CC2D2B: variants seen among roughly 807,000 people sequenced by gnomAD.
The protein encoded by CC2D2B is coiled-coil and C2 domain containing 2B.
A neutral mutation model predicts 161.2 loss-of-function variants in CC2D2B; 128 were observed. The observed-to-expected ratio is 0.79, with a 90% CI of 0.69 to 0.92. CC2D2B has a LOEUF of 0.92. Among genes scored for constraint, CC2D2B ranks in the 40% least tolerant of loss-of-function variants. CC2D2B has a pLI of 0.00. For synonymous variants in CC2D2B, 391 were observed against 449.8 expected, an observed-to-expected ratio of 0.87 and a Z score of 1.65; for missense variants, 1,173 against 1,375.1, an observed-to-expected ratio of 0.85 and a Z score of 2.32.
At chr10:95,991,506 T>C (rs2077953984) in intron 21 of CC2D2B, 45 bp downstream of exon 21, 1 of 553,456 alleles carries the variant, frequency 1.8e-6, no homozygotes, top group Admixed American at 4.5e-5. Flanking sequence ...ACCTTTAAGA[T>C]AATATCTTTA....
chr10:96,029,276 A>C (rs867484680), intron 34 of CC2D2B, among the ~76,000 whole-genome samples: 2 of 54,698 alleles, frequency 3.7e-5, no homozygotes, highest in African/African-American at 6.9e-5. Flanking sequence ...ATATATATAT[A>C]TATATATATG....
At chr10:95,918,070 C>T (rs2098519958) in intron 2 of CC2D2B, among the ~76,000 whole-genome samples, 1 of 152,144 alleles carries the variant, frequency 6.6e-6, no homozygotes, top group South Asian at 2.1e-4. Context: ...AGCCACCGTG[C>T]CCAGCCTAAA....
At chr10:96,023,138 T>C (rs971368218) in intron 32 of CC2D2B, among the ~76,000 whole-genome samples, 1 of 152,222 alleles carries the variant, frequency 6.6e-6, no homozygotes, top group Non-Finnish European at 1.5e-5. Flanking sequence ...AGGGCTGCTG[T>C]GATCAAAATT....
chr10:95,942,404 A>G (rs970049487), intron 9 of CC2D2B, among the ~76,000 whole-genome samples: 1 of 152,004 alleles, frequency 6.6e-6, no homozygotes, highest in Non-Finnish European at 1.5e-5. Context: ...TTTCTCTCTG[A>G]ATTTTAGTTT....
chr10:96,004,465 A>G (rs1352412725), intron 25 of CC2D2B, among the ~76,000 whole-genome samples: 1 of 152,226 alleles, frequency 6.6e-6, no homozygotes, highest in African/African-American at 2.4e-5. Context: ...GAGGAGGAAT[A>G]AATATTATCA....
intron 24 of CC2D2B, among the ~76,000 whole-genome samples, chr10:95,996,477 ATATC>A (rs1298908340): frequency 6.6e-6 from 1 of 152,192 alleles, no homozygotes; most frequent in East Asian, 1.9e-4. Context: ...AATAAAATGA[ATATC>A]TATGTATTTA....
chr10:95,937,167 G>A (rs187689136), intron 6 of CC2D2B, among the ~76,000 whole-genome samples: 81 of 152,132 alleles, frequency 5.3e-4, no homozygotes, highest in African/African-American at 1.8e-3. Context: ...AGTATTGATC[G>A]AGGCCATGTA....
At position 95,911,412 on chromosome 10, in the gene CC2D2B, G is replaced by A. The variant is rs1453431162; in HGVS notation, c.36+53G>A. Reference sequence around the variant, plus strand: ...TTTGATTATTCCAAATAGCCCTGTTGTAAATGGGGGATAATCCTGATAAAT... The same window carrying A: ...TTTGATTATTCCAAATAGCCCTGTTATAAATGGGGGATAATCCTGATAAAT... On this transcript the variant is annotated intron_variant, in intron 2 of 34. Transcript: ENST00000646931. 4.5e-5 allele frequency: 10 copies of A among 222,846 alleles called. No individual in the cohort carries two copies. In the East Asian group the frequency reaches 6.1e-4, roughly 13 times the overall value. The allele number at this position is 222,846 out of a possible 1,614,324, so 13.8% of individuals were successfully genotyped here.
chr10:96,024,814 G>T (rs2079623037), intron 32 of CC2D2B, 39 bp from the exon 33 acceptor site: 1 of 1,193,456 alleles, frequency 8.4e-7, no homozygotes, highest in South Asian at 1.3e-5. Flanking sequence ...TGTAAACATG[G>T]TCTCTAGAAT....
intron 28 of CC2D2B, 47 bp from the exon 29 acceptor site, chr10:96,013,741 G>A: frequency 8.7e-7 from 1 of 1,143,356 alleles, no homozygotes; most frequent in Admixed American, 1.8e-5. Context: ...ATTGTGCTAA[G>A]TGATGGACAT....
At chr10:96,025,195 ATAT>A (rs1477338335) in intron 33 of CC2D2B, among the ~76,000 whole-genome samples, 1,606 of 27,724 alleles carry the variant, frequency 0.058, 87 homozygotes, top group Non-Finnish European at 0.11. Context: ...AAAAAAAAAT[ATAT>A]ATATATATAT....
intron 14 of CC2D2B, among the ~76,000 whole-genome samples, chr10:95,966,834 C>T (rs2076955944): frequency 6.6e-6 from 1 of 152,018 alleles, no homozygotes; most frequent in South Asian, 2.1e-4. Flanking sequence ...GTTGTGATTT[C>T]TTCCTTGAGC....
At chr10:96,016,867 C>T (rs556497349) in intron 30 of CC2D2B, among the ~76,000 whole-genome samples, 16 of 151,954 alleles carry the variant, frequency 1.1e-4, no homozygotes, top group Non-Finnish European at 1.9e-4. Context: ...ATTACAGGCA[C>T]CCACCACGCC....
chr10:95,926,840 G>GTC (rs1554828976), intron 5 of CC2D2B, among the ~76,000 whole-genome samples: 27 of 108,020 alleles, frequency 2.5e-4, no homozygotes, highest in Non-Finnish European at 5.1e-4. Context: ...GTGTGTGTGT[G>GTC]TGTGTGTCTG....
At chr10:95,927,546 T>G (rs995801914) in intron 6 of CC2D2B, among the ~76,000 whole-genome samples, 4 of 152,144 alleles carry the variant, frequency 2.6e-5, no homozygotes, top group African/African-American at 7.2e-5. Context: ...TAACACGAAT[T>G]GTAGCATTAA....
In CC2D2B at chr10:95,968,810, C is replaced by T. The variant is rs2077026952; in HGVS notation, c.1553C>T (p.Ser518Leu). The T allele has an allele frequency of 4.2e-6, 5 of 1,198,104 alleles. No homozygotes were observed. The highest frequency in any genetic ancestry group is 1.0e-6 in the Non-Finnish European group (1 of 957,170). 74.2% of individuals were successfully genotyped at this position (1,198,104 alleles called of 1,614,324 possible). Residue 518 changes from serine (S) to leucine (L), a missense_variant, in exon 15 of 35, where the codon TCA (serine) becomes TTA (leucine). Ser to Leu is a moderately radical substitution (Grantham distance 145, BLOSUM62 -2). Around this residue, in one of 3 missense-constraint regions of CC2D2B, gnomAD observed 277 missense variants for 420.6 expected, o/e 0.66. Coordinates refer to ENST00000646931, the MANE Select transcript of CC2D2B (RefSeq NM_001349008.3). ...FYNNKQVSCT[S>L]VSPLQFDFKV... ...AACAATAAACAGGTTTCTTGTACTTCAGTATCTCCCCTACAGTTTGATTTT... is the reference window on the plus strand; with the variant it reads ...AACAATAAACAGGTTTCTTGTACTTTAGTATCTCCCCTACAGTTTGATTTT...
chr10:95,969,788 G>A (rs2077059253), intron 15 of CC2D2B, among the ~76,000 whole-genome samples: 1 of 151,504 alleles, frequency 6.6e-6, no homozygotes, highest in Admixed American at 6.6e-5. Context: ...CTTTCTTACT[G>A]TTGTCCCTAA....
intron 5 of CC2D2B, among the ~76,000 whole-genome samples, chr10:95,925,318 C>T (rs906802570): frequency 2.6e-5 from 4 of 152,162 alleles, no homozygotes; most frequent in Non-Finnish European, 5.9e-5. Context: ...GATTAGTTGG[C>T]AGTTTCTGAT....
At chr10:95,927,380 T>A (rs761745294) in intron 6 of CC2D2B, 48 bp downstream of exon 6, 24 of 1,003,292 alleles carry the variant, frequency 2.4e-5, no homozygotes, top group Non-Finnish European at 3.5e-5. Context: ...CAGGAAAAAA[T>A]GATTCTTTAT....
Sources: allele counts gnomAD v4.1 joint callset (sites outside exome capture counted in the v4.1 genomes callset), GRCh38; gene constraint gnomAD v4.1.1; regional missense constraint gnomAD v4.1.1; transcripts MANE v1.5; gene names NCBI Gene and HGNC (gene_info 2026-07-23, HGNC 2026-07-21).